The following C11orf65 variants were observed in gnomAD, a reference collection of about 807,000 sequenced individuals.
C11orf65 encodes chromosome 11 open reading frame 65.
C11orf65 carries 38 observed loss-of-function variants against 35.3 expected under a neutral mutation model. The ratio of observed to expected loss-of-function variants is 1.08; its 90% CI spans 0.83 to 1.41. C11orf65 has a LOEUF of 1.41. Ranked by LOEUF, C11orf65 falls within the 40% of genes most tolerant of loss-of-function variation. The probability of loss-of-function intolerance (pLI) is 0.00; values close to 1 mark genes in which losing one functional copy is unlikely to be tolerated. For missense variants in C11orf65, 370 were observed against 367.1 expected, an observed-to-expected ratio of 1.01 and a Z score of -0.06; for synonymous variants, 105 against 114.4, an observed-to-expected ratio of 0.92 and a Z score of 0.53.
Position 108,326,218 on chromosome 11 carries a change from G to T in C11orf65, c.641-17147C>A, listed in dbSNP as rs876660924. The T allele has an allele frequency of 6.2e-7, 1 of 1,614,036 alleles. No homozygotes were observed. Among genetic ancestry groups the T allele is most frequent in the South Asian group, 1.1e-5 (1 of 91,078 alleles). On this transcript the variant is annotated intron_variant, in intron 6 of 6. Transcript: ENST00000525729. ...ATGATCAAGAAGTTGGATGCCAGCT[G>T]TGCAGCGGTTTGTTTTTTTTATTGG...
chr11:108,320,831 T>C (rs1252825281), intron 6 of C11orf65, among the ~76,000 whole-genome samples: 1 of 152,248 alleles, frequency 6.6e-6, no homozygotes, highest in Non-Finnish European at 1.5e-5. Context: ...AGCTTACTGT[T>C]AACCAGAAGC....
At chr11:108,434,888 C>T (rs2093040257) in intron 2 of C11orf65, among the ~76,000 whole-genome samples, 1 of 152,106 alleles carries the variant, frequency 6.6e-6, no homozygotes, top group South Asian at 2.1e-4. Context: ...ACCAATGGGC[C>T]CATGCTTGTG....
intron 3 of C11orf65, among the ~76,000 whole-genome samples, chr11:108,410,053 T>C (rs1419176206): frequency 2.0e-5 from 3 of 152,226 alleles, no homozygotes; most frequent in Admixed American, 6.5e-5. Context: ...TATTTTCACC[T>C]TACAATGAGT....
At position 108,453,391 on chromosome 11, in the gene C11orf65, C is replaced by A. The variant is rs2093375694; in HGVS notation, c.81+8088G>T. On this transcript the variant is annotated intron_variant, in intron 2 of 8. Transcript: ENST00000393084. ...CAAACAGCAAGATGGTAGCCTTAAG[C>A]CCAATGAATACAGTAATTACAATAA... is the stretch of plus-strand genomic sequence containing the variant. Among the ~76,000 whole-genome samples the A allele has an allele frequency of 2.7e-5, 4 of 150,888 alleles. No individual in the cohort carries two copies. The South Asian group carries it at 8.4e-4, about 32-fold the overall frequency.
chr11:108,368,214 T>G (rs1028223202), intron 2 of C11orf65: 8 of 205,496 alleles, frequency 3.9e-5, no homozygotes, highest in African/African-American at 1.6e-4. Context: ...TATAAAAGAT[T>G]TTTTTTTTGT....
chr11:108,411,922 G>T (rs554700645), intron 3 of C11orf65, among the ~76,000 whole-genome samples: 1 of 151,892 alleles, frequency 6.6e-6, no homozygotes, highest in South Asian at 2.1e-4. Context: ...AAGTAACTGG[G>T]ATTTACTTTT....
chr11:108,359,653 C>T (rs1276303148), intron 2 of C11orf65, among the ~76,000 whole-genome samples: 3 of 152,034 alleles, frequency 2.0e-5, no homozygotes, highest in South Asian at 2.1e-4. Context: ...CACTCAAAAC[C>T]GCTCAACTAC....
At chr11:108,308,911 A>C in exon 7 of C11orf65, 3 of 978,326 alleles carry the variant, frequency 3.1e-6, no homozygotes, top group Non-Finnish European at 4.7e-6. Context: ...AATGTAGTGG[A>C]GAGCATTTGT....
rs576757585 is a variant in C11orf65, at chr11:108,333,688, T to C, written c.299+1532A>G. Among the ~76,000 whole-genome samples, 3 of 152,346 alleles carry C rather than the reference T, an allele frequency of 2.0e-5. No homozygotes were observed. The South Asian group carries it at 6.2e-4, about 32-fold the overall frequency. ...CTTGTCAGGTAACCTGCAAATTTAC[T>C]TGAAGCTACATTAACCACTGTTGAG... On this transcript the variant is annotated intron_variant, in intron 3 of 3. Transcript: ENST00000524755.
At chr11:108,336,106 CAG>C in intron 2 of C11orf65, 1 of 624,950 alleles carries the variant, frequency 1.6e-6, no homozygotes, top group Non-Finnish European at 2.9e-6. Context: ...AGACCAGCCT[CAG>C]CAACATAGTG....
intron 2 of C11orf65, among the ~76,000 whole-genome samples, chr11:108,455,940 G>A (rs577569858): frequency 6.6e-6 from 1 of 152,004 alleles, no homozygotes; most frequent in South Asian, 2.1e-4. Context: ...GATCACTTGA[G>A]CTCAGGAGTT....
rs536560810 is a variant in C11orf65, at chr11:108,395,620, AT to A, written c.561-2243del. On this transcript the variant is annotated intron_variant, in intron 6 of 8. Transcript: ENST00000393084. Reference sequence around the variant, plus strand: ...GCGTGAGCCACTGCGCCCAGCCCAAATTTTTTTTTTTTTTTTTTGAGATGGA... The same window carrying A: ...GCGTGAGCCACTGCGCCCAGCCCAAATTTTTTTTTTTTTTTTTGAGATGGA... Among the ~76,000 whole-genome samples the A allele has an allele frequency of 2.7e-3, 338 of 123,342 alleles. 1 individual carries two copies. Among genetic ancestry groups the A allele is most frequent in the Admixed American group, 4.0e-3 (48 of 12,116 alleles). The allele number at this position is 123,342 out of a possible 152,430, so 80.9% of individuals were successfully genotyped here.
rs587780631 is a variant in C11orf65, at chr11:108,317,467, T to G, written c.641-8396A>C. On this transcript the variant is annotated intron_variant, in intron 6 of 6. Transcript: ENST00000525729. ...GACTGGTGTCCTGAACTAGAAGAACTTCATTACCAAGCAGCATGGAGGAAT... is the reference window on the plus strand; with the variant it reads ...GACTGGTGTCCTGAACTAGAAGAACGTCATTACCAAGCAGCATGGAGGAAT... The G allele has an allele frequency of 6.2e-7, 1 of 1,612,618 alleles. No homozygotes were observed. The highest frequency in any genetic ancestry group is 8.5e-7 in the Non-Finnish European group (1 of 1,179,550).
chr11:108,394,618 G>T (rs1329837766), intron 6 of C11orf65, among the ~76,000 whole-genome samples: 1 of 151,860 alleles, frequency 6.6e-6, no homozygotes, highest in African/African-American at 2.4e-5. Context: ...ACTTTTTTTG[G>T]TATTTATTTT....
At chr11:108,357,997 G>T (rs1465274713) in intron 2 of C11orf65, among the ~76,000 whole-genome samples, 1 of 146,960 alleles carries the variant, frequency 6.8e-6, no homozygotes, top group East Asian at 2.0e-4. Context: ...AAATTACTCT[G>T]AGCTACGGGA....
intron 7 of C11orf65, among the ~76,000 whole-genome samples, chr11:108,390,007 T>G (rs898791147): frequency 6.8e-6 from 1 of 147,904 alleles, no homozygotes; most frequent in Non-Finnish European, 1.5e-5. Context: ...TTTTTTTTTA[T>G]TTATTTTATT....
chr11:108,385,251 T>C (rs906566794), intron 8 of C11orf65, among the ~76,000 whole-genome samples: 1 of 152,140 alleles, frequency 6.6e-6, no homozygotes, highest in African/African-American at 2.4e-5. Flanking sequence ...TTTGTATTTT[T>C]AGTAGAGTCA....
chr11:108,422,114 G>C (rs1020770555), intron 3 of C11orf65, among the ~76,000 whole-genome samples: 1 of 152,056 alleles, frequency 6.6e-6, no homozygotes, highest in Non-Finnish European at 1.5e-5. Flanking sequence ...ATTTTTAGTA[G>C]AGACGGGGTT....
Position 108,323,955 on chromosome 11 carries a change from T to C in C11orf65, c.641-14884A>G, listed in dbSNP as rs1014705870. 9.2e-5 allele frequency among the ~76,000 whole-genome samples: 14 copies of C among 152,306 alleles called. No homozygotes were observed. In the East Asian group the frequency reaches 2.5e-3, roughly 27 times the overall value. ...TTTGCAAAAATGCAAAACAGTGCCA[T>C]GCTCACTAAGTTTTGTTTTGTTTTG... On this transcript the variant is annotated intron_variant, in intron 6 of 6. Transcript: ENST00000525729.
Sources: gnomAD v4.1 joint callset for allele counts (sites outside exome capture counted in the v4.1 genomes callset) on GRCh38, gnomAD v4.1.1 for gene constraint, MANE v1.5 for transcripts, NCBI Gene and HGNC (gene_info 2026-07-23, HGNC 2026-07-21) for gene names.